SPICE1: variants seen among roughly 807,000 people sequenced by gnomAD.
The protein encoded by SPICE1 is spindle and centriole-associated protein 1.
SPICE1 carries 75 observed loss-of-function variants against 102.7 expected under a neutral mutation model. The ratio of observed to expected loss-of-function variants is 0.73; its 90% confidence interval spans 0.61 to 0.88. SPICE1 has a LOEUF of 0.88. Ranked by LOEUF, SPICE1 falls within the 40% of genes least tolerant of loss-of-function variation. The pLI is 0.00. For synonymous variants in SPICE1, 308 were observed against 350.3 expected, an observed-to-expected ratio of 0.88 and a Z score of 1.35; for missense variants, 979 against 1,020.1, an observed-to-expected ratio of 0.96 and a Z score of 0.55.
chr3:113,514,781 G>C lies in SPICE1; in HGVS notation c.-1+116C>G. ...GGTGAACTCCCCCAACGCTACAATC[G>C]AGCACCCCCAATTACCAGCTCTGTG... On this transcript the variant is annotated intron_variant, in intron 1 of 17. Transcript: ENST00000295872. The C allele has an allele frequency of 2.3e-6, 3 of 1,286,602 alleles. 1 individual carries two copies. Among genetic ancestry groups the C allele is most frequent in the South Asian group, 1.2e-5 (1 of 80,738 alleles). 79.7% of individuals were successfully genotyped at this position (1,286,602 alleles called of 1,614,324 possible).
In SPICE1 at chr3:113,448,042, T is replaced by C. The variant is rs757093669; in HGVS notation, c.2422A>G (p.Arg808Gly). 4 of 1,600,586 alleles carry C rather than the reference T, an allele frequency of 2.5e-6. No individual in the cohort carries two copies. Among genetic ancestry groups the C allele is most frequent in the Non-Finnish European group, 2.6e-6 (3 of 1,175,426 alleles). The part of the protein sequence containing the change: ...TVSPVSGINT[R>G]RSSGATGNSC... ...AATATTCACACTGCAACTTACCTTC[T>C]TGTATTTATCCCGCTGACGGGAGAG... Residue 808 changes from arginine (R) to glycine (G), a missense_variant, in exon 16 of 18, where the codon AGA (arginine) becomes GGA (glycine). Physicochemically the swap from Arg to Gly is moderately radical, Grantham distance 125. Transcript: ENST00000295872.
In SPICE1 at chr3:113,512,432, C is replaced by T. The variant is rs113897345; in HGVS notation, c.-1+2465G>A. ...TTTTTTTTTTTTTTTTTTTTTGAGA[C>T]GGAGTCTTGCTCTGTTACCAGGCTG... On this transcript the variant is annotated intron_variant, in intron 1 of 17. Transcript: ENST00000295872. Among the ~76,000 whole-genome samples, 938 of 111,652 alleles carry T rather than the reference C, an allele frequency of 8.4e-3. 16 individuals are homozygous for T. The highest frequency in any genetic ancestry group is 0.029 in the African/African-American group (883 of 30,464). 73.2% of individuals were successfully genotyped at this position (111,652 alleles called of 152,430 possible).
intron 11 of SPICE1, among the ~76,000 whole-genome samples, chr3:113,462,886 A>G (rs1179595268): frequency 1.3e-5 from 2 of 152,062 alleles, no homozygotes; most frequent in Non-Finnish European, 2.9e-5. Context: ...ATAAAAGCCC[A>G]TATCTTTAAC....
chr3:113,477,486 C>G (rs1282534878), intron 7 of SPICE1, among the ~76,000 whole-genome samples: 3 of 150,876 alleles, frequency 2.0e-5, no homozygotes, highest in Admixed American at 1.3e-4. Flanking sequence ...CACATGCACA[C>G]ATATGTTTAT....
At chr3:113,496,648 C>CA (rs1377894959) in intron 4 of SPICE1, among the ~76,000 whole-genome samples, 2 of 152,268 alleles carry the variant, frequency 1.3e-5, no homozygotes, top group East Asian at 3.9e-4. Context: ...TTATGCTGGC[C>CA]AAAGAGCTTT....
rs1314961037 is a variant in SPICE1 at position 113,476,592 on chromosome 3, G to C, written c.612-7354C>G. On this transcript the variant is annotated intron_variant, in intron 7 of 17. Coordinates refer to ENST00000295872, the MANE Select transcript of SPICE1 (RefSeq NM_144718.4). ...TTACTGGTACCAAAACAGAGATATA[G>C]ATCAATGGAACAGAACAGAGCCCTC... 3.0e-4 allele frequency among the ~76,000 whole-genome samples: 44 copies of C among 145,100 alleles called. 1 individual carries two copies. In the South Asian group the frequency reaches 8.7e-3, roughly 29 times the overall value.
At chr3:113,497,189 T>C (rs1181279301) in intron 4 of SPICE1, among the ~76,000 whole-genome samples, 3 of 152,220 alleles carry the variant, frequency 2.0e-5, no homozygotes, top group African/African-American at 7.2e-5. Flanking sequence ...GGCTGGCATA[T>C]AGCTGAATGA....
intron 7 of SPICE1, among the ~76,000 whole-genome samples, chr3:113,481,182 A>G (rs1200489541): frequency 2.0e-5 from 3 of 152,188 alleles, no homozygotes; most frequent in African/African-American, 4.8e-5. Flanking sequence ...AACTAATTCA[A>G]CCAAGATTCA....
In SPICE1 at chr3:113,488,277, C is replaced by T. The variant is rs748573668; in HGVS notation, c.611+668G>A. On this transcript the variant is annotated intron_variant, in intron 7 of 17. Transcript: ENST00000295872. ...TATTTAGGGATAAAGGAACATGAAG[C>T]ATGCAACTTACTTCCTAATAGTTCT... Among the ~76,000 whole-genome samples, 12 of 152,242 alleles carry T rather than the reference C, an allele frequency of 7.9e-5. 1 individual carries two copies. The highest frequency in any genetic ancestry group is 3.4e-3 in the Middle Eastern group (1 of 294).
rs922731451 is a variant in SPICE1 at position 113,515,002 on chromosome 3, C to A, written c.-106G>T. 4.4e-5 allele frequency: 18 copies of A among 408,348 alleles called. No homozygotes were observed. In the Admixed American group the frequency reaches 5.5e-4, roughly 12 times the overall value. The allele number at this position is 408,348 out of a possible 1,614,324, so 25.3% of individuals were successfully genotyped here. A position where few individuals can be genotyped will look rare whatever the true frequency, so the allele number is the denominator to read the frequency against. On this transcript the variant is annotated 5_prime_UTR_variant, in exon 1 of 18. Transcript: ENST00000295872. ...AGACAGATGCCACCACCGTTCTCCC[C>A]ACCCTTTTGGTAGCCCTGGTCCCTA...
chr3:113,477,620 G>C (rs184510388), intron 7 of SPICE1, among the ~76,000 whole-genome samples: 1 of 152,224 alleles, frequency 6.6e-6, no homozygotes, highest in Non-Finnish European at 1.5e-5. Flanking sequence ...AAAATGATAA[G>C]TTCATGTCCT....
intron 7 of SPICE1, among the ~76,000 whole-genome samples, chr3:113,478,551 G>A (rs1006978324): frequency 1.3e-5 from 2 of 152,006 alleles, no homozygotes; most frequent in Non-Finnish European, 2.9e-5. Context: ...AAAAAACATG[G>A]ACCAAAAAAC....
intron 14 of SPICE1, among the ~76,000 whole-genome samples, chr3:113,453,029 T>C (rs1463115129): frequency 6.6e-6 from 1 of 151,994 alleles, no homozygotes; most frequent in Admixed American, 6.6e-5. Flanking sequence ...AAAAACCACC[T>C]CATTTCTATA....
chr3:113,446,871 T>C (rs1935528253), intron 16 of SPICE1, among the ~76,000 whole-genome samples, 195 bp from the exon 17 acceptor site: 2 of 152,218 alleles, frequency 1.3e-5, no homozygotes, highest in Non-Finnish European at 1.5e-5. Flanking sequence ...AATAGTGATA[T>C]GGTTTGGCTG....
At chr3:113,460,280 G>A in intron 12 of SPICE1, 1 of 966,958 alleles carries the variant, frequency 1.0e-6, no homozygotes, top group Non-Finnish European at 1.2e-6. Flanking sequence ...TAGGTGTCCA[G>A]TTCTGCTACT....
At chr3:113,514,699 T>G (rs761418926) in intron 1 of SPICE1, 198 bp downstream of exon 1, 1 of 1,145,076 alleles carries the variant, frequency 8.7e-7, no homozygotes, top group South Asian at 1.3e-5. Context: ...TCCATCGATT[T>G]AAATGACGCT....
chr3:113,468,690 T>C lies in SPICE1; in HGVS notation c.889+72A>G. 4 of 1,492,746 alleles carry C rather than the reference T, an allele frequency of 2.7e-6. No individual in the cohort carries two copies. In the South Asian group the frequency reaches 5.3e-5, roughly 20 times the overall value. 92.5% of individuals were successfully genotyped at this position (1,492,746 alleles called of 1,614,324 possible). A position where few individuals can be genotyped will look rare whatever the true frequency, so the allele number is the denominator to read the frequency against. ...GGATGAGATTAAGGGAGAAAAACAT[T>C]GACTAAGAGATTAAGACAGCTGTAT... is the stretch of plus-strand genomic sequence containing the variant. On this transcript the variant is annotated intron_variant, in intron 9 of 17. Coordinates refer to ENST00000295872, the MANE Select transcript of SPICE1 (RefSeq NM_144718.4).
chr3:113,489,547 T>G (rs146598196), intron 6 of SPICE1, among the ~76,000 whole-genome samples: 1 of 152,262 alleles, frequency 6.6e-6, no homozygotes, highest in Non-Finnish European at 1.5e-5. Context: ...CTCATTTCTT[T>G]CCTTTAAAAT....
intron 4 of SPICE1, among the ~76,000 whole-genome samples, chr3:113,497,879 CTTT>C (rs554657969): frequency 1.5e-5 from 2 of 131,684 alleles, no homozygotes; most frequent in Non-Finnish European, 1.7e-5. Context: ...ATCTTTAGGG[CTTT>C]TTTTTTTTTT....
Sources: allele counts gnomAD v4.1 joint callset (sites outside exome capture counted in the v4.1 genomes callset), GRCh38; gene constraint gnomAD v4.1.1; transcripts MANE v1.5; gene names NCBI Gene and HGNC (gene_info 2026-07-23, HGNC 2026-07-21).